Variants in GIT1 observed in about 807,000 individuals in gnomAD.
The protein encoded by GIT1 is ARF GTPase-activating protein GIT1.
A neutral mutation model predicts 91.7 loss-of-function variants in GIT1; 14 were observed. That is an observed-to-expected ratio of 0.15 (90% CI 0.10 to 0.24). The LOEUF (loss-of-function observed/expected upper bound fraction) is 0.24, where lower values mean the gene tolerates loss of function less well. Among genes scored for constraint, GIT1 ranks in the 10% least tolerant of loss-of-function variants. The pLI, the probability that GIT1 is intolerant of heterozygous loss-of-function variation, is 1.00. For synonymous variants in GIT1, 414 were observed against 418.2 expected, an observed-to-expected ratio of 0.99 and a Z score of 0.12; for missense variants, 717 against 1,024.9, an observed-to-expected ratio of 0.70 and a Z score of 4.10.
Position 29,575,074 on chromosome 17 carries a change from T to C in GIT1, c.2073+5A>G, listed in dbSNP as rs750785562. 2 of 1,590,714 alleles carry C rather than the reference T, an allele frequency of 1.3e-6. No individual in the cohort carries two copies. The highest frequency in any genetic ancestry group is 1.1e-5 in the South Asian group (1 of 89,060). On this transcript the variant is annotated splice_donor_5th_base_variant and intron_variant, in intron 19 of 19. Transcript: ENST00000225394. The surrounding 1 kb of genome is among the most constrained non-coding windows in gnomAD (Gnocchi z 5.5). ...CACTCCTGGTCCTCTCTTTGGCCCC[T>C]GTACCTTTGGGAAGAGGGAGGCCAT...
Position 29,575,514 on chromosome 17 carries a change from GA to G in GIT1, c.1827-45del. On this transcript the variant is annotated intron_variant, in intron 17 of 19. Coordinates refer to ENST00000225394, the MANE Select transcript of GIT1 (RefSeq NM_014030.4). This position sits in a 1 kb window ranked among gnomAD's most constrained non-coding sequence, Gnocchi z 5.5. Reference sequence around the variant, plus strand: ...AAACAGAGACAAAGATACATATAGAGAAAGACACGTTCCAGCCTCGGAGCCG... The same window carrying G: ...AAACAGAGACAAAGATACATATAGAGAAGACACGTTCCAGCCTCGGAGCCG... 6.3e-7 allele frequency: 1 copy of G among 1,576,632 alleles called. No homozygotes were observed. Among genetic ancestry groups the G allele is most frequent in the Non-Finnish European group, 8.6e-7 (1 of 1,156,282 alleles).
chr17:29,575,684 C>T lies in GIT1; in HGVS notation c.1772G>A (p.Gly591Asp). 2 of 1,612,590 alleles carry T rather than the reference C, an allele frequency of 1.2e-6. No individual in the cohort carries two copies. The highest frequency in any genetic ancestry group is 1.7e-6 in the Non-Finnish European group (2 of 1,179,966). Residue 591 changes from glycine (G) to aspartate (D), a missense_variant, in exon 17 of 20, where the codon GGC becomes GAC. This residue lies in a region of GIT1 where 134 missense variants were observed against 223.8 expected (regional missense o/e 0.60). Coordinates refer to ENST00000225394, the MANE Select transcript of GIT1 (RefSeq NM_014030.4). The surrounding 1 kb of genome is among the most constrained non-coding windows in gnomAD (Gnocchi z 5.5). ...CTCATAGTCACTGTCGGCTCCACTG[C>T]CGTGGCGGGAAAGCTTGCTCTGGAG... is the stretch of plus-strand genomic sequence containing the variant. ...SRHTSKLSRH[G>D]SGADSDYENT...
intron 1 of GIT1, among the ~76,000 whole-genome samples, chr17:29,587,723 T>C (rs1475136602): frequency 6.6e-6 from 1 of 152,158 alleles, no homozygotes; most frequent in Non-Finnish European, 1.5e-5. Context: ...TTGAGGAAGC[T>C]GAGGACCCCA....
At position 29,581,728 on chromosome 17, in the gene GIT1, C is replaced by T. The variant is rs1555574812; in HGVS notation, c.718+14G>A. On this transcript the variant is annotated intron_variant, in intron 6 of 19. Coordinates refer to ENST00000225394, the MANE Select transcript of GIT1 (RefSeq NM_014030.4). The surrounding 1 kb of genome is among the most constrained non-coding windows in gnomAD (Gnocchi z 4.8). ...AGGCCTGTCACAGCCAGGCGCCCCCCAAGCTCTGCTCACCCGGCTTGCGTC... is the reference window on the plus strand; with the variant it reads ...AGGCCTGTCACAGCCAGGCGCCCCCTAAGCTCTGCTCACCCGGCTTGCGTC... The T allele has an allele frequency of 1.2e-6, 2 of 1,604,112 alleles. No homozygotes were observed. The highest frequency in any genetic ancestry group is 1.1e-5 in the South Asian group (1 of 90,884).
At chr17:29,577,801 G>A (rs1459708113) in intron 9 of GIT1, 59 bp from the exon 10 acceptor site, 7 of 1,031,140 alleles carry the variant, frequency 6.8e-6, no homozygotes, top group South Asian at 2.5e-5. Context: ...AGGTGGGGGT[G>A]GGGAAGCACT....
Position 29,589,360 on chromosome 17 carries a change from GC to G in GIT1, c.18del (p.Arg7GlufsTer181). 9.2e-7 allele frequency: 1 copy of G among 1,087,194 alleles called. No homozygotes were observed. Among genetic ancestry groups the G allele is most frequent in the South Asian group, 2.5e-5 (1 of 40,564 alleles). 67.3% of individuals were successfully genotyped at this position (1,087,194 alleles called of 1,614,324 possible). On this transcript the variant is annotated frameshift_variant, in exon 1 of 20. Transcript: ENST00000225394. LOFTEE classifies it high-confidence loss of function. This position sits in a 1 kb window ranked among gnomAD's most constrained non-coding sequence, Gnocchi z 5.2. MSRKG[P>X]RAEVCADCSA... ...CTGCAGTCCGCACACACCTCCGCTC[GC>G]GGCCCCTTTCGGGACATCCTCAGCG... is the stretch of plus-strand genomic sequence containing the variant.
chr17:29,581,599 A>C lies in GIT1; in HGVS notation c.718+143T>G, dbSNP rs753525675. The C allele has an allele frequency of 1.1e-5, 8 of 714,432 alleles. No homozygotes were observed. The highest frequency in any genetic ancestry group is 3.5e-5 in the African/African-American group (2 of 57,280). 44.3% of individuals were successfully genotyped at this position (714,432 alleles called of 1,614,324 possible). On this transcript the variant is annotated intron_variant, in intron 6 of 19. Transcript: ENST00000225394. The surrounding 1 kb of genome is among the most constrained non-coding windows in gnomAD (Gnocchi z 4.8). Reference sequence around the variant, plus strand: ...GATGCTATGGCCCAGAGCCTGCAGTAATTTCACAGGAGCCAGTTGCCTAGC... The same window carrying C: ...GATGCTATGGCCCAGAGCCTGCAGTCATTTCACAGGAGCCAGTTGCCTAGC...
In GIT1 at chr17:29,577,219, G is replaced by A. The variant is rs1239441366; in HGVS notation, c.1010C>T (p.Ala337Val). The A allele has an allele frequency of 6.2e-7, 1 of 1,613,866 alleles. No individual in the cohort carries two copies. Among genetic ancestry groups the A allele is most frequent in the African/African-American group, 1.3e-5 (1 of 75,052 alleles). The change falls in exon 11 of 20, where the codon GCC becomes GTC. Residue 337 changes from alanine to valine, a missense_variant. By Grantham distance (64) the Ala-to-Val change is moderately conservative (BLOSUM62 0). This residue lies in a region of GIT1 where 312 missense variants were observed against 349.5 expected (regional missense o/e 0.89). Coordinates refer to ENST00000225394, the MANE Select transcript of GIT1 (RefSeq NM_014030.4). Reference sequence around the variant, plus strand: ...GATGATCAAGGTGGCAAACTCTCGGGCATTAAAGCGGGCCAGCTTTTGTCG... The same window carrying A: ...GATGATCAAGGTGGCAAACTCTCGGACATTAAAGCGGGCCAGCTTTTGTCG... Reference protein sequence around the residue: ...QGRQKLARFNAREFATLIIDI... With the variant: ...QGRQKLARFNVREFATLIIDI...
chr17:29,577,216 C>T lies in GIT1; in HGVS notation c.1013G>A (p.Arg338Gln). 1 of 1,613,922 alleles carries T rather than the reference C, an allele frequency of 6.2e-7. No homozygotes were observed. The highest frequency in any genetic ancestry group is 8.5e-7 in the Non-Finnish European group (1 of 1,180,022). Residue 338 changes from arginine to glutamine, a missense_variant, in exon 11 of 20, where the codon CGA (arginine) becomes CAA (glutamine). This residue lies in a region of GIT1 where 312 missense variants were observed against 349.5 expected (regional missense o/e 0.89). Transcript: ENST00000225394. ...GTCGATGATCAAGGTGGCAAACTCT[C>T]GGGCATTAAAGCGGGCCAGCTTTTG... ...GRQKLARFNA[R>Q]EFATLIIDIL...
At position 29,582,293 on chromosome 17, in the gene GIT1, G is replaced by A. The variant is rs1042257725; in HGVS notation, c.406-149C>T. 3.0e-5 allele frequency: 19 copies of A among 629,228 alleles called. 1 individual carries two copies. The highest frequency in any genetic ancestry group is 1.3e-4 in the Admixed American group (5 of 38,602). The allele number at this position is 629,228 out of a possible 1,614,324, so 39.0% of individuals were successfully genotyped here. A position where few individuals can be genotyped will look rare whatever the true frequency, so the allele number is the denominator to read the frequency against. ...TATGTCGGGAGGACAGAGGCTTCCCGCTAGGGGTTAATGCCAATTAATAAA... is the reference window on the plus strand; with the variant it reads ...TATGTCGGGAGGACAGAGGCTTCCCACTAGGGGTTAATGCCAATTAATAAA... On this transcript the variant is annotated intron_variant, in intron 4 of 19. Transcript: ENST00000225394.
chr17:29,575,634 G>T lies in GIT1; in HGVS notation c.1822C>A (p.Leu608Met), dbSNP rs2033165326. The T allele has an allele frequency of 1.2e-6, 2 of 1,611,472 alleles. No individual in the cohort carries two copies. Among genetic ancestry groups the T allele is most frequent in the South Asian group, 2.2e-5 (2 of 91,076 alleles). The change falls in exon 17 of 20, where the codon CTG becomes ATG. Residue 608 changes from leucine to methionine, a missense_variant. By Grantham distance (15) the Leu-to-Met change is conservative (BLOSUM62 2). Coordinates refer to ENST00000225394, the MANE Select transcript of GIT1 (RefSeq NM_014030.4). This position sits in a 1 kb window ranked among gnomAD's most constrained non-coding sequence, Gnocchi z 5.5. The part of the protein sequence containing the change: ...YENTQSGDPL[L>M]GLEGKRFLEL... Reference sequence around the variant, plus strand: ...TGGAGACCCAGGGAGCCTCACCCCAGCAGTGGGTCCCCACTTTGCGTGTTC... The same window carrying T: ...TGGAGACCCAGGGAGCCTCACCCCATCAGTGGGTCCCCACTTTGCGTGTTC...
In GIT1 at chr17:29,582,482, G is replaced by A. The variant is rs150254947; in HGVS notation, c.405+216C>T. Among the ~76,000 whole-genome samples the A allele has an allele frequency of 8.5e-4, 130 of 152,344 alleles. 1 individual carries two copies. The highest frequency in any genetic ancestry group is 2.9e-3 in the African/African-American group (120 of 41,586). ...TTTTCCCAGCTTCTGAGTGGCAGCT[G>A]TGGGCTTCTAGCCTTGTGTGTCTAC... On this transcript the variant is annotated intron_variant, in intron 4 of 19. Coordinates refer to ENST00000225394, the MANE Select transcript of GIT1 (RefSeq NM_014030.4).
intron 9 of GIT1, 70 bp from the exon 10 acceptor site, chr17:29,577,812 G>A: frequency 2.2e-6 from 2 of 929,624 alleles, no homozygotes; most frequent in South Asian, 1.3e-5. Flanking sequence ...GGGAAGCACT[G>A]AGCCCAGCCT....
At chr17:29,577,612 G>T in intron 10 of GIT1, 33 bp downstream of exon 10, 1 of 1,387,876 alleles carries the variant, frequency 7.2e-7, no homozygotes, top group Non-Finnish European at 1.0e-6. Flanking sequence ...GGATGAAGTA[G>T]ACCACCCCAG....
intron 1 of GIT1, among the ~76,000 whole-genome samples, chr17:29,585,534 A>G (rs1238853819): frequency 1.3e-5 from 2 of 152,176 alleles, no homozygotes; most frequent in Non-Finnish European, 2.9e-5. Context: ...GTGTGGTCCA[A>G]GGGTTTGCCT....
chr17:29,586,558 G>A (rs1339348683), intron 1 of GIT1, among the ~76,000 whole-genome samples: 2 of 152,162 alleles, frequency 1.3e-5, no homozygotes, highest in African/African-American at 4.8e-5. Context: ...AAGGGAGGAA[G>A]AGGAGCCCAA....
intron 2 of GIT1, 45 bp downstream of exon 2, chr17:29,583,438 A>C: frequency 6.3e-7 from 1 of 1,597,374 alleles, no homozygotes; most frequent in Non-Finnish European, 8.5e-7. Context: ...TGCTCAGCAC[A>C]CTCTGCCTGA....
chr17:29,589,617 C>G lies in GIT1; in HGVS notation c.-239G>C, dbSNP rs996505025. On this transcript the variant is annotated 5_prime_UTR_variant, in exon 1 of 20. Transcript: ENST00000225394. This position sits in a 1 kb window ranked among gnomAD's most constrained non-coding sequence, Gnocchi z 5.2. The stretch of plus-strand genomic sequence containing the variant: ...CCCCGCCGCCGCTCGCGGCTCCTCT[C>G]TCCGCCCCCTGCGCGGCTCCCGGCC... The G allele has an allele frequency of 6.7e-6, 1 of 149,100 alleles. No homozygotes were observed. Among genetic ancestry groups the G allele is most frequent in the Non-Finnish European group, 1.5e-5 (1 of 66,764 alleles). 9.2% of individuals were successfully genotyped at this position (149,100 alleles called of 1,614,324 possible).
intron 1 of GIT1, among the ~76,000 whole-genome samples, chr17:29,584,889 C>A (rs1315224578): frequency 6.6e-6 from 1 of 151,766 alleles, no homozygotes; most frequent in East Asian, 1.9e-4. Flanking sequence ...GAGCTCTGCC[C>A]ACAGCAAGTG....
Sources: allele counts gnomAD v4.1 joint callset (sites outside exome capture counted in the v4.1 genomes callset), GRCh38; gene constraint gnomAD v4.1.1; regional missense constraint gnomAD v4.1.1; non-coding constraint Gnocchi (gnomAD v3.1); transcripts MANE v1.5; gene names NCBI Gene and HGNC (gene_info 2026-07-23, HGNC 2026-07-21).